The following SHISA9 variants were observed in gnomAD, a reference collection of about 807,000 sequenced individuals.
SHISA9 encodes the protein protein shisa-9.
SHISA9 carries 13 observed loss-of-function variants against 38.0 expected under a neutral mutation model. That is an observed-to-expected ratio of 0.34 (90% CI 0.22 to 0.54). The LOEUF (loss-of-function observed/expected upper bound fraction) is 0.54, where lower values mean the gene tolerates loss of function less well. SHISA9 is among the 20% of genes least tolerant of loss of function. The pLI is 0.91. For missense variants in SHISA9, 538 were observed against 575.8 expected, an observed-to-expected ratio of 0.93 and a Z score of 0.67; for synonymous variants, 275 against 242.0, an observed-to-expected ratio of 1.14 and a Z score of -1.27.
At chr16:13,420,573 A>G in the SHISA9 span, among the ~76,000 whole-genome samples, 1 of 152,292 alleles carries the variant, frequency 6.6e-6, no homozygotes, top group Admixed American at 6.5e-5. Flanking sequence ...AGGAAAGGCA[A>G]GAGTAATGTT....
chr16:12,995,479 G>A (rs570248610), intron 2 of SHISA9, among the ~76,000 whole-genome samples: 1 of 152,270 alleles, frequency 6.6e-6, no homozygotes, highest in South Asian at 2.1e-4. Context: ...TCTTCTTGGT[G>A]ATTCAATGGT....
the SHISA9 span, among the ~76,000 whole-genome samples, chr16:13,399,113 G>T: frequency 1.3e-5 from 2 of 152,032 alleles, no homozygotes; most frequent in Non-Finnish European, 2.9e-5. Flanking sequence ...AAATTAGCCA[G>T]GCTTGGTGGT....
the SHISA9 span, among the ~76,000 whole-genome samples, chr16:13,257,571 C>A: frequency 1.3e-5 from 2 of 152,130 alleles, no homozygotes; most frequent in Non-Finnish European, 2.9e-5. Flanking sequence ...TTGATCACCC[C>A]CTTTTGTAAA....
At chr16:13,276,673 T>C in the SHISA9 span, among the ~76,000 whole-genome samples, 1 of 152,106 alleles carries the variant, frequency 6.6e-6, no homozygotes, top group Non-Finnish European at 1.5e-5. Flanking sequence ...ATTAGTGATT[T>C]TGAACATTTT....
At chr16:13,083,977 A>G (rs80306255) in intron 2 of SHISA9, among the ~76,000 whole-genome samples, 8,297 of 152,224 alleles carry the variant, frequency 0.055, 363 homozygotes, top group Admixed American at 0.14. Context: ...AGACCGGAGA[A>G]CTGAAGTCGA....
the SHISA9 span, among the ~76,000 whole-genome samples, chr16:13,347,963 G>C: frequency 6.6e-6 from 1 of 152,176 alleles, no homozygotes; most frequent in African/African-American, 2.4e-5. Context: ...TTAAAATAGG[G>C]AGATTATCCT....
the SHISA9 span, among the ~76,000 whole-genome samples, chr16:13,303,626 C>A: frequency 6.6e-6 from 1 of 152,118 alleles, no homozygotes; most frequent in Non-Finnish European, 1.5e-5. Context: ...TTAAAGGGTG[C>A]AGGATTCCCT....
At chr16:13,539,387 G>T in the SHISA9 span, among the ~76,000 whole-genome samples, 2 of 131,948 alleles carry the variant, frequency 1.5e-5, no homozygotes, top group Non-Finnish European at 1.6e-5. Context: ...TGTTGTCCAA[G>T]CTGGTCTTGA....
chr16:13,439,369 A>AACAC, the SHISA9 span, among the ~76,000 whole-genome samples: 1 of 151,342 alleles, frequency 6.6e-6, no homozygotes, highest in Non-Finnish European at 1.5e-5. Flanking sequence ...ATTCTCACCA[A>AACAC]ACACACACAC....
chr16:13,053,725 A>G (rs2073278768), intron 2 of SHISA9, among the ~76,000 whole-genome samples: 4 of 152,014 alleles, frequency 2.6e-5, no homozygotes, highest in African/African-American at 9.7e-5. Context: ...CTTACTCTTC[A>G]TTCTGCCTGG....
chr16:13,329,919 T>G, the SHISA9 span, among the ~76,000 whole-genome samples: 3 of 152,368 alleles, frequency 2.0e-5, no homozygotes, highest in East Asian at 5.8e-4. Flanking sequence ...TCCTCAGATA[T>G]CCAATAAATC....
chr16:12,938,217 C>T (rs951845830), intron 2 of SHISA9, among the ~76,000 whole-genome samples: 9 of 152,292 alleles, frequency 5.9e-5, no homozygotes, highest in East Asian at 1.9e-4. Context: ...GTATATTTTC[C>T]GATGGGTCAG....
chr16:12,985,960 C>A (rs1340783469), intron 2 of SHISA9, among the ~76,000 whole-genome samples: 1 of 152,194 alleles, frequency 6.6e-6, no homozygotes, highest in Admixed American at 6.5e-5. Flanking sequence ...TAAGACCAGG[C>A]CAGCGGTGGG....
intron 2 of SHISA9, among the ~76,000 whole-genome samples, chr16:13,185,164 T>C (rs1248942485): frequency 6.6e-6 from 1 of 152,212 alleles, no homozygotes; most frequent in Non-Finnish European, 1.5e-5. Flanking sequence ...AACTCATTTT[T>C]GTATTATTTA....
At chr16:13,523,243 A>G in the SHISA9 span, among the ~76,000 whole-genome samples, 91 of 152,246 alleles carry the variant, frequency 6.0e-4, no homozygotes, top group African/African-American at 2.1e-3. Context: ...CCAGCTATTC[A>G]GGAGGCTGAG....
the SHISA9 span, among the ~76,000 whole-genome samples, chr16:13,405,977 A>G: frequency 1.2e-3 from 190 of 152,134 alleles, no homozygotes; most frequent in African/African-American, 4.4e-3. Context: ...AAAACAAAAA[A>G]TAGACAAGTG....
chr16:12,942,609 T>C (rs1169634039), intron 2 of SHISA9, among the ~76,000 whole-genome samples: 1 of 152,208 alleles, frequency 6.6e-6, no homozygotes, highest in Non-Finnish European at 1.5e-5. Flanking sequence ...GAGAAATAAG[T>C]GCTAGAAAAA....
At chr16:13,231,412 G>A (rs1184704361) in intron 4 of SHISA9, among the ~76,000 whole-genome samples, 1 of 152,194 alleles carries the variant, frequency 6.6e-6, no homozygotes, top group East Asian at 1.9e-4. Flanking sequence ...GAAATCTAGA[G>A]CTTTCCTCCA....
rs1172518613 is a variant in SHISA9 at position 13,161,315 on chromosome 16, C to G, written c.692-42079C>G. The stretch of plus-strand genomic sequence containing the variant: ...GGATATCTTTCCCCCCTGCTTGGGT[C>G]TTTGTGTTTTGGACTCATCTGCCCA... On this transcript the variant is annotated intron_variant, in intron 2 of 4. Transcript: ENST00000558583. Among the ~76,000 whole-genome samples, 3 of 152,204 alleles carry G rather than the reference C, an allele frequency of 2.0e-5. No homozygotes were observed. The South Asian group carries it at 6.2e-4, about 32-fold the overall frequency.
Sources: allele counts gnomAD v4.1 joint callset (sites outside exome capture counted in the v4.1 genomes callset), GRCh38; gene constraint gnomAD v4.1.1; transcripts MANE v1.5; gene names NCBI Gene and HGNC (gene_info 2026-07-23, HGNC 2026-07-21).